The following DGKZ variants were observed in gnomAD, a reference collection of about 807,000 sequenced individuals.
The protein encoded by DGKZ is DAG kinase zeta.
In DGKZ, 45 loss-of-function variants were observed where a neutral mutation model predicts 142.5. That is an observed-to-expected ratio of 0.32 (90% CI 0.25 to 0.40). DGKZ has a LOEUF of 0.40. Ranked by LOEUF, DGKZ falls within the 10% of genes least tolerant of loss-of-function variation. The probability of loss-of-function intolerance (pLI) is 1.00; values close to 1 mark genes in which losing one functional copy is unlikely to be tolerated. For missense variants in DGKZ, 755 were observed against 1,306.5 expected (o/e 0.58, Z 6.51); for synonymous variants, 442 against 527.0 (o/e 0.84, Z 2.21).
chr11:46,352,974 C>T (rs1418911040), intron 1 of DGKZ, among the ~76,000 whole-genome samples: 3 of 152,216 alleles, frequency 2.0e-5, no homozygotes, highest in African/African-American at 7.2e-5. Flanking sequence ...CCCCCTGCCT[C>T]GCTGAAACAC....
At chr11:46,366,692 C>A (rs757790115) in intron 1 of DGKZ, 1 of 1,568,528 alleles carries the variant, frequency 6.4e-7, no homozygotes, top group South Asian at 1.2e-5. Flanking sequence ...GCCACCCCCA[C>A]CTCGGGGCGC....
chr11:46,333,413 C>G (rs1285482633), exon 1 of DGKZ: 145 of 1,516,282 alleles, frequency 9.6e-5, no homozygotes, highest in Non-Finnish European at 1.3e-4. Context: ...CCGAGGGTTC[C>G]CGGGGCACGG....
upstream of DGKZ, chr11:46,345,355 CT>C: frequency 5.0e-6 from 7 of 1,394,756 alleles, no homozygotes; most frequent in Admixed American, 3.6e-5. This position sits in a 1 kb window ranked among gnomAD's most constrained non-coding sequence, Gnocchi z 4.1. Context: ...AGGCCCCCCC[CT>C]CGACCCCACC....
upstream of DGKZ, chr11:46,345,575 C>T (rs1199313421): frequency 1.3e-6 from 2 of 1,526,054 alleles, no homozygotes; most frequent in African/African-American, 1.4e-5. The surrounding 1 kb of genome is among the most constrained non-coding windows in gnomAD (Gnocchi z 4.1). Context: ...ATCAGAGGCA[C>T]CCCAGACACA....
intron 24 of DGKZ, 187 bp downstream of exon 24, chr11:46,376,751 C>T (rs938105861): frequency 2.3e-5 from 19 of 826,938 alleles, no homozygotes; most frequent in African/African-American, 1.7e-4. Flanking sequence ...GAGTATAGGG[C>T]GGTGCCAGCC....
At chr11:46,374,795 C>T (rs1201272665) in exon 18 of DGKZ, 3 of 1,609,186 alleles carry the variant, frequency 1.9e-6, no homozygotes, top group Middle Eastern at 1.7e-4. Context: ...CTCCCAAGAT[C>T]CAGGACCTGA....
chr11:46,368,569 G>A (rs72910088), intron 4 of DGKZ: 46 of 281,696 alleles, frequency 1.6e-4, no homozygotes, highest in Non-Finnish European at 2.3e-4. Flanking sequence ...AGAAGGGTTC[G>A]CATGGAGGGG....
intron 1 of DGKZ, among the ~76,000 whole-genome samples, chr11:46,336,179 A>G (rs1056537527): frequency 6.6e-6 from 1 of 152,158 alleles, no homozygotes; most frequent in Non-Finnish European, 1.5e-5. Context: ...GGACACTAGA[A>G]GCTTAGAGGG....
intron 1 of DGKZ, among the ~76,000 whole-genome samples, chr11:46,361,091 C>T (rs1942593479): frequency 6.6e-6 from 1 of 152,214 alleles, no homozygotes; most frequent in Admixed American, 6.5e-5. Context: ...TACCAGCCTC[C>T]CGTTTGTAAT....
Position 46,367,229 on chromosome 11 carries a change from G to A in DGKZ, c.162-62G>A. 1 of 1,459,950 alleles carries A rather than the reference G, an allele frequency of 6.8e-7. No individual in the cohort carries two copies. 90.4% of individuals were successfully genotyped at this position (1,459,950 alleles called of 1,614,324 possible). A position where few individuals can be genotyped will look rare whatever the true frequency, so the allele number is the denominator to read the frequency against. On this transcript the variant is annotated intron_variant, in intron 1 of 30. Coordinates refer to ENST00000527911, the Ensembl canonical transcript of DGKZ. This position sits in a 1 kb window ranked among gnomAD's most constrained non-coding sequence, Gnocchi z 4.1. ...CACGGAAAGGGCAGAGGCCCCAGGA[G>A]GTGGGAGGAAGTAGGGTCAGCAAGT...
intron 1 of DGKZ, among the ~76,000 whole-genome samples, chr11:46,339,093 C>T (rs1054794627): frequency 2.0e-5 from 3 of 152,276 alleles, no homozygotes; most frequent in South Asian, 2.1e-4. Context: ...TCCACCCCTG[C>T]AGAGGGGCTG....
intron 1 of DGKZ, among the ~76,000 whole-genome samples, chr11:46,349,998 C>T (rs1187646131): frequency 6.6e-6 from 1 of 152,166 alleles, no homozygotes; most frequent in African/African-American, 2.4e-5. Flanking sequence ...TTGAGAAGCA[C>T]AGTAGTCCGT....
chr11:46,354,586 T>C (rs1392019171), intron 1 of DGKZ, among the ~76,000 whole-genome samples: 2 of 152,230 alleles, frequency 1.3e-5, no homozygotes, highest in Non-Finnish European at 2.9e-5. Flanking sequence ...AGGTGACACC[T>C]ACTGCCTAGC....
intron 14 of DGKZ, among the ~76,000 whole-genome samples, 168 bp downstream of exon 14, chr11:46,373,269 T>C (rs959260212): frequency 6.6e-6 from 1 of 151,450 alleles, no homozygotes; most frequent in Non-Finnish European, 1.5e-5. Context: ...TGCTGTTTTT[T>C]CTGTGTTTTT....
At chr11:46,353,465 C>G (rs1184543515) in intron 1 of DGKZ, among the ~76,000 whole-genome samples, 2 of 152,220 alleles carry the variant, frequency 1.3e-5, no homozygotes, top group Admixed American at 6.5e-5. Flanking sequence ...ACCAAGATCC[C>G]TCAAGTCAGG....
chr11:46,355,106 TTTTTA>T (rs892151481), intron 1 of DGKZ, among the ~76,000 whole-genome samples: 15 of 152,160 alleles, frequency 9.9e-5, no homozygotes, highest in Non-Finnish European at 1.9e-4. Context: ...TGTGTTTATT[TTTTTA>T]TTTTATTTTA....
At chr11:46,346,672 T>A (rs1325383265), upstream of DGKZ, among the ~76,000 whole-genome samples, 2 of 152,192 alleles carry the variant, frequency 1.3e-5, no homozygotes, top group African/African-American at 4.8e-5. Flanking sequence ...GCATGTGTGC[T>A]TGTGAATGGG....
Position 46,372,541 on chromosome 11 carries a change from A to G in DGKZ, c.1010+31A>G, listed in dbSNP as rs1197113829. ...TACTTGCCAAGGTTTTGTGGGGGAC[A>G]TGGGGGGGAACTTGCCTCACTCCTG... On this transcript the variant is annotated intron_variant, in intron 11 of 30. Coordinates refer to ENST00000527911, the Ensembl canonical transcript of DGKZ. This position sits in a 1 kb window ranked among gnomAD's most constrained non-coding sequence, Gnocchi z 5.9. 1.2e-6 allele frequency: 2 copies of G among 1,613,804 alleles called. No homozygotes were observed. Among genetic ancestry groups the G allele is most frequent in the Non-Finnish European group, 1.7e-6 (2 of 1,179,892 alleles).
In DGKZ at chr11:46,347,508, G is replaced by C. The variant is rs1487880716; in HGVS notation, c.-152G>C. The C allele has an allele frequency of 2.0e-6, 2 of 982,444 alleles. No homozygotes were observed. The highest frequency in any genetic ancestry group is 1.1e-4 in the East Asian group (1 of 8,784). 60.9% of individuals were successfully genotyped at this position (982,444 alleles called of 1,614,324 possible). Reference sequence around the variant, plus strand: ...CGGCAGCGGCTTCCCGGGCACCTGGGCGTGGGGAGCGGGGGCGCGCGGCGC... The same window carrying C: ...CGGCAGCGGCTTCCCGGGCACCTGGCCGTGGGGAGCGGGGGCGCGCGGCGC... On this transcript the variant is annotated 5_prime_UTR_variant, in exon 1 of 31. Transcript: ENST00000527911. This position sits in a 1 kb window ranked among gnomAD's most constrained non-coding sequence, Gnocchi z 6.4.
Sources: gnomAD v4.1 joint callset for allele counts (sites outside exome capture counted in the v4.1 genomes callset) on GRCh38, gnomAD v4.1.1 for gene constraint, Gnocchi (gnomAD v3.1) non-coding constraint, MANE v1.5 for transcripts, NCBI Gene and HGNC (gene_info 2026-07-23, HGNC 2026-07-21) for gene names.